ASIC2: variants seen among roughly 807,000 people sequenced by gnomAD.
ASIC2 encodes acid sensing ion channel subunit 2, also known as acid-sensing ion channel 2.
In ASIC2, 25 loss-of-function variants were observed where a neutral mutation model predicts 57.3. That is an observed-to-expected ratio of 0.44 (90% CI 0.32 to 0.61). The LOEUF (loss-of-function observed/expected upper bound fraction) is 0.61, where lower values mean the gene tolerates loss of function less well. Ranked by LOEUF, ASIC2 falls within the 20% of genes least tolerant of loss-of-function variation. The pLI is 0.06. For missense variants in ASIC2, 641 were observed against 738.1 expected, an observed-to-expected ratio of 0.87 and a Z score of 1.52; for synonymous variants, 319 against 307.5, an observed-to-expected ratio of 1.04 and a Z score of -0.39.
chr17:33,793,570 T>C (rs1404535554), intron 1 of ASIC2: 1 of 152,242 alleles, frequency 6.6e-6, no homozygotes, highest in Middle Eastern at 3.2e-3. Flanking sequence ...TGTCTCATTA[T>C]GTAGATGAGG....
intron 1 of ASIC2, among the ~76,000 whole-genome samples, chr17:33,147,489 A>G (rs1904607949): frequency 1.3e-5 from 2 of 152,256 alleles, no homozygotes; most frequent in African/African-American, 4.8e-5. Context: ...ACATTAATAT[A>G]CACCAGTGTT....
At chr17:33,500,333 C>T (rs1914063898) in intron 1 of ASIC2, among the ~76,000 whole-genome samples, 1 of 152,192 alleles carries the variant, frequency 6.6e-6, no homozygotes, top group Non-Finnish European at 1.5e-5. Context: ...TCTGGGATCA[C>T]ACCCTGAGAG....
At chr17:33,016,481 T>C (rs1311282782) in intron 8 of ASIC2, among the ~76,000 whole-genome samples, 1 of 152,130 alleles carries the variant, frequency 6.6e-6, no homozygotes, top group Non-Finnish European at 1.5e-5. Flanking sequence ...GTTCATAACA[T>C]TTTACTCCTA....
intron 1 of ASIC2, among the ~76,000 whole-genome samples, chr17:33,575,900 T>A (rs1916605351): frequency 6.6e-6 from 1 of 152,138 alleles, no homozygotes; most frequent in African/African-American, 2.4e-5. Flanking sequence ...CTCTGCAGGC[T>A]TAGAAAGGGG....
At chr17:33,847,718 T>C (rs760564293) in intron 1 of ASIC2, among the ~76,000 whole-genome samples, 27 of 152,092 alleles carry the variant, frequency 1.8e-4, no homozygotes, top group Non-Finnish European at 3.2e-4. Context: ...TTATCAAAGA[T>C]AGTCTAGAGG....
intron 1 of ASIC2, among the ~76,000 whole-genome samples, chr17:33,406,337 G>A (rs939751729): frequency 6.6e-6 from 1 of 152,154 alleles, no homozygotes; most frequent in African/African-American, 2.4e-5. Context: ...GCTCTTTCAA[G>A]GCAGTCTGCG....
rs986560723 is a variant in ASIC2 at position 33,017,695 on chromosome 17, A to G, written c.1442-11T>C. The G allele has an allele frequency of 1.4e-5, 22 of 1,610,902 alleles. No homozygotes were observed. The highest frequency in any genetic ancestry group is 1.9e-5 in the Non-Finnish European group (22 of 1,177,280). ...GACCACCAATATCACCTGGAGAGAG[A>G]GGGAAAAGACCAAAGCTTTGCTTTT... On this transcript the variant is annotated splice_polypyrimidine_tract_variant and intron_variant, in intron 7 of 9. Transcript: ENST00000225823.
rs539300145 is a variant in ASIC2 at position 33,030,037 on chromosome 17, T to G, written c.988-1645A>C. On this transcript the variant is annotated intron_variant, in intron 3 of 9. Coordinates refer to ENST00000225823, the MANE Select transcript of ASIC2 (RefSeq NM_183377.2). The stretch of plus-strand genomic sequence containing the variant: ...GGATTCAAGTCCTTTGTCAGACACA[T>G]GTATTGTAAATATTTTGTCCATACC... Among the ~76,000 whole-genome samples, 53 of 152,362 alleles carry G rather than the reference T, an allele frequency of 3.5e-4. 1 individual carries two copies. The highest frequency in any genetic ancestry group is 3.4e-3 in the Middle Eastern group (1 of 294).
chr17:33,404,406 A>G (rs184027927), intron 1 of ASIC2, among the ~76,000 whole-genome samples: 3 of 152,378 alleles, frequency 2.0e-5, no homozygotes, highest in Admixed American at 2.0e-4. Flanking sequence ...ATACAAGACT[A>G]AGAGCCAGGG....
chr17:33,404,423 C>T (rs1046219303), intron 1 of ASIC2, among the ~76,000 whole-genome samples: 1 of 152,220 alleles, frequency 6.6e-6, no homozygotes, highest in Non-Finnish European at 1.5e-5. Context: ...AGGGCTCAGA[C>T]AACACTTTCA....
intron 1 of ASIC2, among the ~76,000 whole-genome samples, chr17:33,898,958 T>G (rs1394466597): frequency 1.3e-5 from 2 of 152,138 alleles, no homozygotes; most frequent in African/African-American, 4.8e-5. Flanking sequence ...AACTTACCCC[T>G]TCCTCCAATG....
intron 1 of ASIC2, among the ~76,000 whole-genome samples, chr17:33,484,064 C>T (rs903658709): frequency 4.6e-5 from 7 of 152,304 alleles, no homozygotes; most frequent in Admixed American, 3.3e-4. Context: ...AACACATTCT[C>T]TTCTCAGAAC....
intron 1 of ASIC2, among the ~76,000 whole-genome samples, chr17:33,156,680 C>T (rs1244172186): frequency 6.6e-6 from 1 of 151,856 alleles, no homozygotes; most frequent in African/African-American, 2.4e-5. Context: ...TGCTTGAATC[C>T]AGGAGGCGGA....
chr17:33,663,918 C>T lies in ASIC2; in HGVS notation c.555+492060G>A, dbSNP rs149066242. ...TCAGAGTCCCTCAGGCCCTACCTAC[C>T]GCCAGCTGCCCCAAACCTGTCCTCA... On this transcript the variant is annotated intron_variant, in intron 1 of 9. Coordinates refer to the ASIC2 transcript ENST00000359872. Among the ~76,000 whole-genome samples, 794 of 152,258 alleles carry T rather than the reference C, an allele frequency of 5.2e-3. 4 individuals are homozygous for T. Among genetic ancestry groups the T allele is most frequent in the African/African-American group, 0.018 (751 of 41,550 alleles).
intron 1 of ASIC2, among the ~76,000 whole-genome samples, chr17:33,150,074 T>G (rs1428562810): frequency 2.0e-5 from 3 of 152,254 alleles, no homozygotes; most frequent in Non-Finnish European, 4.4e-5. Context: ...AATGAATTTC[T>G]TACTCAAGTT....
At chr17:34,065,081 GT>G (rs1242008952) in intron 1 of ASIC2, among the ~76,000 whole-genome samples, 1 of 152,164 alleles carries the variant, frequency 6.6e-6, no homozygotes, top group Non-Finnish European at 1.5e-5. Context: ...GCATATGCAT[GT>G]TTATAGCAGC....
chr17:33,827,337 C>CTTTTTTTTTTTTTTTTTTTTTTT (rs375695905), intron 1 of ASIC2, among the ~76,000 whole-genome samples: 5,987 of 76,040 alleles, frequency 0.079, 1,980 homozygotes, highest in Non-Finnish European at 0.12. Context: ...GCAGCTCACT[C>CTTTTTTTTTTTTTTTTTTTTTTT]TTTTTTTTTT....
intron 1 of ASIC2, among the ~76,000 whole-genome samples, chr17:34,015,706 C>A (rs2142024841): frequency 6.6e-6 from 1 of 152,326 alleles, no homozygotes; most frequent in East Asian, 1.9e-4. Flanking sequence ...TTCTATATTC[C>A]TTTCGTAATA....
intron 1 of ASIC2, among the ~76,000 whole-genome samples, chr17:33,401,081 A>ACTCTAACAGAGGAGAACACAAGGGGAAT (rs1910269347): frequency 6.6e-6 from 1 of 152,014 alleles, no homozygotes; most frequent in Non-Finnish European, 1.5e-5. Context: ...CCGTCTCAAC[A>ACTCTAACAGAGGAGAACACAAGGGGAAT]CTCTAACAGA....
Sources: allele counts gnomAD v4.1 joint callset (sites outside exome capture counted in the v4.1 genomes callset), GRCh38; gene constraint gnomAD v4.1.1; transcripts MANE v1.5; gene names NCBI Gene and HGNC (gene_info 2026-07-23, HGNC 2026-07-21).